The following TLN2 variants were observed in gnomAD, a reference collection of about 807,000 sequenced individuals.
TLN2 encodes the protein talin-2.
In TLN2, 118 loss-of-function variants were observed where a neutral mutation model predicts 294.7. The ratio of observed to expected loss-of-function variants is 0.40; its 90% CI spans 0.34 to 0.47. The LOEUF (loss-of-function observed/expected upper bound fraction) is 0.47. TLN2 is among the 20% of genes least tolerant of loss of function. The probability of loss-of-function intolerance (pLI) is 0.84; values close to 1 mark genes in which losing one functional copy is unlikely to be tolerated. For missense variants in TLN2, 3,083 were observed against 3,282.2 expected (o/e 0.94, Z 1.48); for synonymous variants, 1,431 against 1,304.5 (o/e 1.10, Z -2.09).
chr15:62,393,782 T>C (rs1048188104), intron 1 of TLN2, among the ~76,000 whole-genome samples: 1 of 152,046 alleles, frequency 6.6e-6, no homozygotes, highest in Non-Finnish European at 1.5e-5. Flanking sequence ...CCTTAATATT[T>C]ATCTTTTTTT....
rs191484929 is a variant in TLN2 at position 62,463,648 on chromosome 15, C to T, written c.-238+72963C>T. Among the ~76,000 whole-genome samples the T allele has an allele frequency of 3.1e-3, 473 of 152,270 alleles. 2 individuals carry two copies. The highest frequency in any genetic ancestry group is 0.011 in the African/African-American group (455 of 41,544). ...CGCCTGTAATCCCAGCACTTTGCGA[C>T]GCTGAGATGGATGGATCACGAGGTC... On this transcript the variant is annotated intron_variant, in intron 1 of 58. Coordinates refer to ENST00000636159, the MANE Select transcript of TLN2 (RefSeq NM_015059.3).
intron 1 of TLN2, among the ~76,000 whole-genome samples, chr15:62,472,328 A>G (rs1392980762): frequency 6.6e-6 from 1 of 152,074 alleles, no homozygotes; most frequent in Non-Finnish European, 1.5e-5. Context: ...TCTTTGTCCC[A>G]TGGGGAGAAC....
chr15:62,577,914 A>C (rs942768753), intron 1 of TLN2, among the ~76,000 whole-genome samples: 4 of 151,646 alleles, frequency 2.6e-5, no homozygotes, highest in African/African-American at 4.9e-5. Flanking sequence ...TCATTGTTCA[A>C]CTCCCACCTA....
chr15:62,576,637 G>A (rs559992140), intron 1 of TLN2, among the ~76,000 whole-genome samples: 197 of 146,264 alleles, frequency 1.3e-3, no homozygotes, highest in African/African-American at 4.9e-3. Context: ...AGACTGGAGG[G>A]GAAAAAAAGA....
chr15:62,557,431 T>C (rs2042669294), intron 1 of TLN2, among the ~76,000 whole-genome samples: 2 of 152,216 alleles, frequency 1.3e-5, no homozygotes, highest in African/African-American at 4.8e-5. Context: ...GATGTGATAG[T>C]GCAGGACTCT....
chr15:62,404,417 A>C (rs928314134), intron 1 of TLN2, among the ~76,000 whole-genome samples: 1 of 152,170 alleles, frequency 6.6e-6, no homozygotes, highest in Non-Finnish European at 1.5e-5. Context: ...TGAATCACTC[A>C]TCCCCAGAGT....
chr15:62,430,733 A>C (rs1212811438), intron 1 of TLN2, among the ~76,000 whole-genome samples: 1 of 152,188 alleles, frequency 6.6e-6, no homozygotes, highest in Non-Finnish European at 1.5e-5. Flanking sequence ...AGTATAAGTC[A>C]TGGCCCGGTA....
chr15:62,563,864 A>C (rs1298195573), intron 1 of TLN2, among the ~76,000 whole-genome samples: 2 of 152,186 alleles, frequency 1.3e-5, no homozygotes, highest in Non-Finnish European at 2.9e-5. Flanking sequence ...CCCAGTGTGC[A>C]TCACGTTTTA....
chr15:62,411,533 A>AT (rs57521480), intron 1 of TLN2, among the ~76,000 whole-genome samples: 4 of 147,714 alleles, frequency 2.7e-5, no homozygotes, highest in East Asian at 2.0e-4. Context: ...AGTTTGATAT[A>AT]TTTTTTTTTC....
chr15:62,736,639 G>C (rs533146948), intron 28 of TLN2, among the ~76,000 whole-genome samples: 1 of 146,158 alleles, frequency 6.8e-6, no homozygotes, highest in Non-Finnish European at 1.5e-5. Flanking sequence ...AGGGAAGTCA[G>C]GGGGAAGAAG....
chr15:62,606,248 A>ATTTTTTTTTT (rs771750764), intron 2 of TLN2, among the ~76,000 whole-genome samples: 3 of 136,762 alleles, frequency 2.2e-5, no homozygotes, highest in African/African-American at 5.5e-5. Flanking sequence ...TGCTTGGCTA[A>ATTTTTTTTTT]TTTTTTTTTT....
intron 37 of TLN2, among the ~76,000 whole-genome samples, chr15:62,755,938 C>T (rs549638302): frequency 1.3e-5 from 2 of 152,334 alleles, no homozygotes; most frequent in South Asian, 2.1e-4. Flanking sequence ...AAATTCTGTA[C>T]ATGAGGAGCT....
chr15:62,748,385 C>G lies in TLN2; in HGVS notation c.4060C>G (p.Leu1354Val), dbSNP rs1301663475. Residue 1354 changes from leucine to valine, a missense_variant, in exon 33 of 59, where the codon CTG becomes GTG. Coordinates refer to ENST00000636159, the MANE Select transcript of TLN2 (RefSeq NM_015059.3). ...AGAGAGCATCAATCAACTCATCACT[C>G]TGTGTACCCAACAAGCTCCGGGCCA... ...VTESINQLIT[L>V]CTQQAPGQKE... 2 of 1,613,282 alleles carry G rather than the reference C, an allele frequency of 1.2e-6. No homozygotes were observed. Among genetic ancestry groups the G allele is most frequent in the Non-Finnish European group, 1.7e-6 (2 of 1,179,984 alleles).
At chr15:62,610,078 A>G (rs951994259) in intron 2 of TLN2, among the ~76,000 whole-genome samples, 1 of 152,204 alleles carries the variant, frequency 6.6e-6, no homozygotes, top group Non-Finnish European at 1.5e-5. Flanking sequence ...AGGGGGTGCC[A>G]TGGGCTCTCC....
chr15:62,691,710 C>T (rs372168697), intron 12 of TLN2, among the ~76,000 whole-genome samples: 1 of 152,126 alleles, frequency 6.6e-6, no homozygotes, highest in Non-Finnish European at 1.5e-5. Context: ...GAGACAGTCT[C>T]TCACTCTGTT....
intron 47 of TLN2, 52 bp downstream of exon 47, chr15:62,796,345 C>T (rs1245027862): frequency 1.9e-6 from 3 of 1,552,932 alleles, no homozygotes; most frequent in Non-Finnish European, 2.6e-6. Context: ...GCCCCTGAAA[C>T]TCATGATCGA....
intron 51 of TLN2, 45 bp downstream of exon 51, chr15:62,805,830 C>T (rs751477963): frequency 8.2e-6 from 13 of 1,583,446 alleles, no homozygotes; most frequent in East Asian, 4.5e-5. Flanking sequence ...GATTCTCTGT[C>T]GTGACTGGGT....
rs1193244303 is a variant in TLN2 at position 62,702,835 on chromosome 15, G to A, written c.1975G>A (p.Gly659Arg). The A allele has an allele frequency of 2.5e-6, 4 of 1,614,092 alleles. No homozygotes were observed. The highest frequency in any genetic ancestry group is 1.3e-5 in the African/African-American group (1 of 74,944). Reference sequence around the variant, plus strand: ...CAGTGGGGATCTTCTGAGACAGATTGGAGAGAATGAGACTGATGAGCGATT... The same window carrying A: ...CAGTGGGGATCTTCTGAGACAGATTAGAGAGAATGAGACTGATGAGCGATT... The part of the protein sequence containing the change: ...QASGDLLRQI[G>R]ENETDERFQD... The change falls in exon 19 of 59, where the codon GGA becomes AGA. Residue 659 changes from glycine (G) to arginine (R), a missense_variant. Physicochemically the swap from Gly to Arg is moderately radical, Grantham distance 125 (BLOSUM62 -2). Transcript: ENST00000636159.
intron 1 of TLN2, among the ~76,000 whole-genome samples, chr15:62,533,482 C>T (rs2041167581): frequency 6.6e-6 from 1 of 151,912 alleles, no homozygotes; most frequent in African/African-American, 2.4e-5. Context: ...AGCCCTAATT[C>T]AGGTTTTTAG....
Sources: allele counts gnomAD v4.1 joint callset (sites outside exome capture counted in the v4.1 genomes callset), GRCh38; gene constraint gnomAD v4.1.1; transcripts MANE v1.5; gene names NCBI Gene and HGNC (gene_info 2026-07-23, HGNC 2026-07-21).